The following SLC17A1 variants were observed in gnomAD, a reference collection of about 807,000 sequenced individuals.
SLC17A1 encodes the protein solute carrier family 17 member 1.
A neutral mutation model predicts 53.5 loss-of-function variants in SLC17A1; 51 were observed. The observed-to-expected ratio is 0.95, with a 90% CI of 0.76 to 1.20. The LOEUF is 1.20. Ranked by LOEUF, SLC17A1 falls within the 50% of genes most tolerant of loss-of-function variation. SLC17A1 has a pLI of 0.00. For synonymous variants in SLC17A1, 179 were observed against 198.8 expected (o/e 0.90, Z 0.84); for missense variants, 538 against 568.2 (o/e 0.95, Z 0.54).
At chr6:25,730,794 G>A in the SLC17A1 span, among the ~76,000 whole-genome samples, 1 of 152,186 alleles carries the variant, frequency 6.6e-6, no homozygotes, top group Non-Finnish European at 1.5e-5. Context: ...GGTTTTTAGG[G>A]AGGCAAGATT....
the SLC17A1 span, among the ~76,000 whole-genome samples, chr6:25,763,168 T>C: frequency 6.6e-6 from 1 of 152,208 alleles, no homozygotes; most frequent in Non-Finnish European, 1.5e-5. Context: ...GTTCCTTCTA[T>C]AGTCTCCTAC....
intron 12 of SLC17A1, among the ~76,000 whole-genome samples, chr6:25,789,101 G>T (rs1352893109): frequency 6.6e-6 from 1 of 152,078 alleles, no homozygotes; most frequent in Non-Finnish European, 1.5e-5. Context: ...CTGAGATCTT[G>T]GTTTCTAAAT....
chr6:25,774,531 G>T, the SLC17A1 span, among the ~76,000 whole-genome samples: 3 of 152,176 alleles, frequency 2.0e-5, no homozygotes, highest in Non-Finnish European at 4.4e-5. Context: ...AAAGCCCCAG[G>T]AGGCAGTGGC....
intron 3 of SLC17A1, among the ~76,000 whole-genome samples, chr6:25,824,028 A>G (rs1764654543): frequency 6.6e-6 from 1 of 151,996 alleles, no homozygotes; most frequent in African/African-American, 2.4e-5. Context: ...AATTGGGCTG[A>G]AAAAAATTGT....
chr6:25,746,936 AC>A, the SLC17A1 span, among the ~76,000 whole-genome samples: 1 of 152,218 alleles, frequency 6.6e-6, no homozygotes, highest in East Asian at 1.9e-4. Context: ...CCAAAAATCT[AC>A]TGATTGATTC....
At chr6:25,778,571 G>A (rs543753946), downstream of SLC17A1, among the ~76,000 whole-genome samples, 10 of 152,214 alleles carry the variant, frequency 6.6e-5, no homozygotes, top group African/African-American at 1.9e-4. Context: ...TATGTGCTAC[G>A]TGCTATTTAA....
the SLC17A1 span, chr6:25,726,884 A>G: frequency 6.3e-7 from 1 of 1,596,336 alleles, no homozygotes; most frequent in Non-Finnish European, 8.5e-7. Flanking sequence ...AGAACCGTGT[A>G]ACGCTGCAGA....
At chr6:25,780,911 G>A (rs7749149), downstream of SLC17A1, 47,328 of 151,922 alleles carry the variant, frequency 0.31, 8,341 homozygotes, top group East Asian at 0.75. Flanking sequence ...TATATTAATG[G>A]GGATGCCTCT....
the SLC17A1 span, among the ~76,000 whole-genome samples, chr6:25,730,130 C>T: frequency 6.6e-6 from 1 of 152,020 alleles, no homozygotes; most frequent in African/African-American, 2.4e-5. Flanking sequence ...AATAGAACTA[C>T]CATATAATCC....
At chr6:25,808,151 T>C (rs1234027607) in intron 10 of SLC17A1, among the ~76,000 whole-genome samples, 2 of 152,160 alleles carry the variant, frequency 1.3e-5, no homozygotes, top group East Asian at 1.9e-4. Context: ...TTTTTAATTA[T>C]GGCCATTCTT....
chr6:25,803,761 T>C (rs2151484123), intron 10 of SLC17A1, among the ~76,000 whole-genome samples: 1 of 152,232 alleles, frequency 6.6e-6, no homozygotes, highest in Non-Finnish European at 1.5e-5. Flanking sequence ...ATGGACATAA[T>C]AGCAATAATT....
the SLC17A1 span, among the ~76,000 whole-genome samples, chr6:25,764,367 C>T: frequency 6.6e-6 from 1 of 152,142 alleles, no homozygotes; most frequent in African/African-American, 2.4e-5. Flanking sequence ...ATATACTGCC[C>T]CCCACCATGG....
the SLC17A1 span, among the ~76,000 whole-genome samples, chr6:25,754,933 G>A: frequency 1.3e-5 from 2 of 151,974 alleles, no homozygotes; most frequent in Non-Finnish European, 2.9e-5. Context: ...GATAATTCTG[G>A]TAAGTGAGAA....
At chr6:25,791,984 C>T (rs537404074) in intron 12 of SLC17A1, among the ~76,000 whole-genome samples, 1 of 152,342 alleles carries the variant, frequency 6.6e-6, no homozygotes, top group South Asian at 2.1e-4. Flanking sequence ...TCACCTAAAT[C>T]TATTTACATA....
intron 10 of SLC17A1, among the ~76,000 whole-genome samples, chr6:25,803,052 T>C (rs939210636): frequency 6.9e-6 from 1 of 144,816 alleles, no homozygotes; most frequent in Non-Finnish European, 1.5e-5. Flanking sequence ...GTTCACGCCA[T>C]TCTCCTGCCT....
chr6:25,766,427 A>G, the SLC17A1 span, among the ~76,000 whole-genome samples: 1,159 of 152,296 alleles, frequency 7.6e-3, 10 homozygotes, highest in Middle Eastern at 0.017. Context: ...GATGGAGCTT[A>G]GCTCCTTGCT....
At chr6:25,760,331 G>A in the SLC17A1 span, among the ~76,000 whole-genome samples, 4 of 152,044 alleles carry the variant, frequency 2.6e-5, no homozygotes, top group Admixed American at 2.6e-4. Flanking sequence ...CTCCATATCT[G>A]ATAGAATGCT....
At chr6:25,807,828 A>T (rs142010002) in intron 10 of SLC17A1, among the ~76,000 whole-genome samples, 1 of 152,036 alleles carries the variant, frequency 6.6e-6, no homozygotes, top group African/African-American at 2.4e-5. Context: ...AGTATTCCAT[A>T]ATATATATAT....
chr6:25,795,071 A>T (rs943676291), intron 12 of SLC17A1, among the ~76,000 whole-genome samples: 1 of 152,176 alleles, frequency 6.6e-6, no homozygotes, highest in African/African-American at 2.4e-5. Flanking sequence ...GCACAGCAAC[A>T]CAAACAGCAA....
Sources: gnomAD v4.1 joint callset for allele counts (sites outside exome capture counted in the v4.1 genomes callset) on GRCh38, gnomAD v4.1.1 for gene constraint, MANE v1.5 for transcripts, NCBI Gene and HGNC (gene_info 2026-07-23, HGNC 2026-07-21) for gene names.